The following RORA variants were observed in gnomAD, a reference collection of about 807,000 sequenced individuals.
The protein encoded by RORA is nuclear receptor ROR-alpha.
In RORA, 7 loss-of-function variants were observed where a neutral mutation model predicts 69.5. That is an observed-to-expected ratio of 0.10 (90% CI 0.06 to 0.19). RORA has a LOEUF of 0.19. RORA is among the 10% of genes least tolerant of loss of function. The probability of loss-of-function intolerance (pLI) is 1.00; values close to 1 mark genes in which losing one functional copy is unlikely to be tolerated. For synonymous variants in RORA, 261 were observed against 240.8 expected, an observed-to-expected ratio of 1.08 and a Z score of -0.78; for missense variants, 457 against 663.0, an observed-to-expected ratio of 0.69 and a Z score of 3.41.
intron 1 of RORA, among the ~76,000 whole-genome samples, chr15:61,193,733 G>A (rs2079821810): frequency 6.6e-6 from 1 of 152,146 alleles, no homozygotes; most frequent in South Asian, 2.1e-4. Flanking sequence ...TAACAATTCT[G>A]TAATTTTACA....
intron 1 of RORA, among the ~76,000 whole-genome samples, chr15:61,099,195 T>C (rs1399686371): frequency 6.6e-6 from 1 of 152,242 alleles, no homozygotes; most frequent in Non-Finnish European, 1.5e-5. Context: ...TTTACCCCAG[T>C]GACTGTTCAT....
chr15:60,580,378 AC>A (rs2068157517), intron 2 of RORA, among the ~76,000 whole-genome samples: 1 of 152,224 alleles, frequency 6.6e-6, no homozygotes, highest in Non-Finnish European at 1.5e-5. Flanking sequence ...AAAGAGGCAT[AC>A]TGCACTAACT....
At chr15:60,612,661 GTTTT>G (rs71122864) in intron 2 of RORA, among the ~76,000 whole-genome samples, 28 of 107,120 alleles carry the variant, frequency 2.6e-4, no homozygotes, top group African/African-American at 6.9e-4. Flanking sequence ...CTCTCTCTCT[GTTTT>G]TTTTTTTTTT....
At chr15:60,551,065 C>T (rs1012888459) in intron 2 of RORA, among the ~76,000 whole-genome samples, 7 of 151,864 alleles carry the variant, frequency 4.6e-5, no homozygotes, top group South Asian at 4.2e-4. Flanking sequence ...TTCCATAAGG[C>T]GATTTCACAG....
chr15:60,646,010 A>C (rs1252777477), intron 2 of RORA, among the ~76,000 whole-genome samples: 2 of 152,202 alleles, frequency 1.3e-5, no homozygotes, highest in Non-Finnish European at 2.9e-5. Flanking sequence ...CCTCGCCCGT[A>C]TGCTCTGAAA....
chr15:60,814,144 C>T (rs1365083814), intron 1 of RORA, among the ~76,000 whole-genome samples: 2 of 152,186 alleles, frequency 1.3e-5, no homozygotes, highest in African/African-American at 4.8e-5. Flanking sequence ...TTCCAAGCCT[C>T]CTACAGTGTC....
intron 2 of RORA, among the ~76,000 whole-genome samples, chr15:60,591,975 C>G (rs1421472670): frequency 6.6e-6 from 1 of 152,000 alleles, no homozygotes; most frequent in Non-Finnish European, 1.5e-5. Flanking sequence ...CGACCTAGGC[C>G]GGAGCTGTCC....
intron 1 of RORA, among the ~76,000 whole-genome samples, chr15:61,134,492 T>A (rs1399857721): frequency 6.6e-6 from 1 of 152,120 alleles, no homozygotes; most frequent in African/African-American, 2.4e-5. Context: ...TGGAAAACAT[T>A]GAGGAGGGTG....
chr15:61,192,154 G>A (rs1005730010), intron 1 of RORA, among the ~76,000 whole-genome samples: 1 of 152,246 alleles, frequency 6.6e-6, no homozygotes, highest in African/African-American at 2.4e-5. Context: ...CAGCAATTGT[G>A]ATTTATTGAG....
At chr15:61,019,891 C>G (rs1398674000) in intron 1 of RORA, among the ~76,000 whole-genome samples, 3 of 152,152 alleles carry the variant, frequency 2.0e-5, no homozygotes, top group African/African-American at 7.2e-5. Flanking sequence ...TCCTTTGCCA[C>G]TTCTCAAAAA....
intron 1 of RORA, among the ~76,000 whole-genome samples, chr15:60,830,944 C>A (rs1330194467): frequency 6.6e-6 from 1 of 152,174 alleles, no homozygotes; most frequent in East Asian, 1.9e-4. Flanking sequence ...TGTGTGCATG[C>A]ACGTGTGTGT....
rs146782449 is a variant in RORA at position 60,806,440 on chromosome 15, C to T, written c.167-127754G>A. Among the ~76,000 whole-genome samples, 476 of 152,260 alleles carry T rather than the reference C, an allele frequency of 3.1e-3. 5 individuals are homozygous for T. The highest frequency in any genetic ancestry group is 0.011 in the African/African-American group (446 of 41,532). ...TTAAAACATCTCTTGCCATGCCTTC[C>T]GGAATGCCACTCTTTTAATATCGCA... On this transcript the variant is annotated intron_variant, in intron 1 of 10. Transcript: ENST00000335670.
At chr15:60,977,347 T>G (rs770980660) in intron 1 of RORA, among the ~76,000 whole-genome samples, 2 of 152,020 alleles carry the variant, frequency 1.3e-5, no homozygotes, top group Non-Finnish European at 2.9e-5. Context: ...TAACAAAGGA[T>G]CCTCTGTTTA....
At chr15:61,093,829 G>A (rs1324935679) in intron 1 of RORA, among the ~76,000 whole-genome samples, 1 of 152,174 alleles carries the variant, frequency 6.6e-6, no homozygotes, top group African/African-American at 2.4e-5. Flanking sequence ...GTTACCCACT[G>A]ACAGAGTTTC....
intron 1 of RORA, among the ~76,000 whole-genome samples, chr15:61,078,440 C>G (rs1171146669): frequency 6.6e-6 from 1 of 151,824 alleles, no homozygotes; most frequent in Non-Finnish European, 1.5e-5. Flanking sequence ...CTCAAGTGAT[C>G]CGCTTGCCTT....
Position 60,821,790 on chromosome 15 carries a change from C to A in RORA, c.167-143104G>T, listed in dbSNP as rs760463857. ...TGCTATGCTACTCTATCCTCACAAT[C>A]ACTCTACAAGAGCCCCAGTTTTATT... On this transcript the variant is annotated intron_variant, in intron 1 of 10. Transcript: ENST00000335670. Among the ~76,000 whole-genome samples, 3 of 152,336 alleles carry A rather than the reference C, an allele frequency of 2.0e-5. No individual in the cohort carries two copies. The East Asian group carries it at 5.8e-4, about 29-fold the overall frequency.
chr15:60,848,125 G>A (rs2073286945), intron 1 of RORA: 1 of 152,266 alleles, frequency 6.6e-6, no homozygotes, highest in East Asian at 1.9e-4. Flanking sequence ...CAGGATCTTT[G>A]CAGCCTGTCC....
intron 2 of RORA, among the ~76,000 whole-genome samples, chr15:60,577,660 A>T (rs936778786): frequency 5.9e-5 from 9 of 151,886 alleles, no homozygotes; most frequent in African/African-American, 2.2e-4. Flanking sequence ...AAAAAAAAAA[A>T]AAGCTGCAAA....
In RORA at chr15:60,534,597, A is replaced by C. The variant is rs1275155752; in HGVS notation, c.197-2746T>G. Among the ~76,000 whole-genome samples the C allele has an allele frequency of 6.6e-6, 1 of 152,156 alleles. No individual in the cohort carries two copies. The highest frequency in any genetic ancestry group is 1.9e-4 in the East Asian group (1 of 5,186). On this transcript the variant is annotated intron_variant, in intron 2 of 10. Coordinates refer to ENST00000335670, the MANE Select transcript of RORA (RefSeq NM_134261.3). The surrounding 1 kb of genome is among the most constrained non-coding windows in gnomAD (Gnocchi z 5.0). Reference sequence around the variant, plus strand: ...CAGGCTTCACCGGGAATCTCTCGGTAAGGTGGTAGAAGGGTTTCTGGATAG... The same window carrying C: ...CAGGCTTCACCGGGAATCTCTCGGTCAGGTGGTAGAAGGGTTTCTGGATAG...
Sources: allele counts gnomAD v4.1 joint callset (sites outside exome capture counted in the v4.1 genomes callset), GRCh38; gene constraint gnomAD v4.1.1; non-coding constraint Gnocchi (gnomAD v3.1); transcripts MANE v1.5; gene names NCBI Gene and HGNC (gene_info 2026-07-23, HGNC 2026-07-21).